ACADSB: variants seen among roughly 807,000 people sequenced by gnomAD.
ACADSB encodes the protein acyl-CoA dehydrogenase short/branched chain.
A neutral mutation model predicts 54.1 loss-of-function variants in ACADSB; 40 were observed. The ratio of observed to expected loss-of-function variants is 0.74; its 90% CI spans 0.57 to 0.96. ACADSB has a LOEUF of 0.96. ACADSB is among the 40% of genes least tolerant of loss of function. The pLI, the probability that ACADSB is intolerant of heterozygous loss-of-function variation, is 0.00. For missense variants in ACADSB, 530 were observed against 510.4 expected, an observed-to-expected ratio of 1.04 and a Z score of -0.37; for synonymous variants, 182 against 182.8, an observed-to-expected ratio of 1.00 and a Z score of 0.03.
Position 123,009,028 on chromosome 10 carries a change from G to A in ACADSB, c.-2G>A. Reference sequence around the variant, plus strand: ...CGCAGAGCGGAGAGGCCTGCGGCGAGGATGGAGGGCCTGGCAGTGCGGTTG... The same window carrying A: ...CGCAGAGCGGAGAGGCCTGCGGCGAAGATGGAGGGCCTGGCAGTGCGGTTG... On this transcript the variant is annotated 5_prime_UTR_variant, in exon 1 of 11. Transcript: ENST00000358776. 1 of 1,548,126 alleles carries A rather than the reference G, an allele frequency of 6.5e-7. No homozygotes were observed. The highest frequency in any genetic ancestry group is 8.7e-7 in the Non-Finnish European group (1 of 1,146,858).
At position 123,053,753 on chromosome 10, in the gene ACADSB, T is replaced by C. The variant is rs768025615; in HGVS notation, c.1287T>C (p.Asp429=). The C allele has an allele frequency of 1.1e-5, 18 of 1,613,852 alleles. No homozygotes were observed. The highest frequency in any genetic ancestry group is 1.3e-5 in the African/African-American group (1 of 75,052). Residue 429 remains aspartate, a synonymous_variant, in exon 11 of 11, where the codon GAT becomes GAC. Coordinates refer to ENST00000358776, the MANE Select transcript of ACADSB (RefSeq NM_001609.4). ...TGAACACCATTGCAAAGCATATCGA[T>C]GCAGAATACTGACGTCTATAGGAGT... The part of the protein sequence containing the change: ...IQLNTIAKHI[D]AEY
rs1387739992 is a variant in ACADSB at position 123,055,463 on chromosome 10, GAC to G, written c.*1702_*1703del. On this transcript the variant is annotated 3_prime_UTR_variant, in exon 11 of 11. Coordinates refer to ENST00000358776, the MANE Select transcript of ACADSB (RefSeq NM_001609.4). ...CCATTTAAGTTGAGATTTCAGTGGG[GAC>G]ACAGCCAAACCATATCATTCTACCC... is the stretch of plus-strand genomic sequence containing the variant. 1.3e-5 allele frequency: 2 copies of G among 152,336 alleles called. No homozygotes were observed. The highest frequency in any genetic ancestry group is 3.8e-4 in the East Asian group (2 of 5,200). 9.4% of individuals were successfully genotyped at this position (152,336 alleles called of 1,614,324 possible). A position where few individuals can be genotyped will look rare whatever the true frequency, so the allele number is the denominator to read the frequency against.
At chr10:123,051,737 C>T (rs757233945) in intron 9 of ACADSB, among the ~76,000 whole-genome samples, 16 of 152,328 alleles carry the variant, frequency 1.1e-4, no homozygotes, top group Non-Finnish European at 2.1e-4. Context: ...GCAGCTGTTT[C>T]GTAGCCTCAG....
At chr10:123,045,145 ATATATATATATATATATATATATATATTT>A (rs1308310862) in intron 7 of ACADSB, among the ~76,000 whole-genome samples, 10 of 11,536 alleles carry the variant, frequency 8.7e-4, no homozygotes, top group South Asian at 4.2e-3. Flanking sequence ...ATATATATAT[ATATATATATATATATATATATATATATTT>A]TTTTTTTTTT....
intron 9 of ACADSB, among the ~76,000 whole-genome samples, chr10:123,051,840 G>A (rs1850637439): frequency 6.6e-6 from 1 of 152,074 alleles, no homozygotes; most frequent in African/African-American, 2.4e-5. Context: ...CTGAATTCCA[G>A]ACTAACATGT....
At chr10:123,019,722 T>C (rs1850158229) in intron 1 of ACADSB, among the ~76,000 whole-genome samples, 1 of 152,250 alleles carries the variant, frequency 6.6e-6, no homozygotes, top group Non-Finnish European at 1.5e-5. Flanking sequence ...CAGTTTTACA[T>C]GTATATGTGT....
At position 123,052,960 on chromosome 10, in the gene ACADSB, C is replaced by A; in HGVS notation, c.1129-101C>A. On this transcript the variant is annotated intron_variant, in intron 9 of 10. Transcript: ENST00000358776. The surrounding 1 kb of genome is among the most constrained non-coding windows in gnomAD (Gnocchi z 4.2). ...GAAGATAACTTTAGTCCTTCCAGTG[C>A]CACTAACAGTAAATCCATGTTGCTG... The A allele has an allele frequency of 1.1e-6, 1 of 870,778 alleles. No individual in the cohort carries two copies. The highest frequency in any genetic ancestry group is 1.9e-6 in the Non-Finnish European group (1 of 515,700). The allele number at this position is 870,778 out of a possible 1,614,324, so 53.9% of individuals were successfully genotyped here.
chr10:123,019,244 C>T (rs1589732556), intron 1 of ACADSB, among the ~76,000 whole-genome samples: 1 of 152,136 alleles, frequency 6.6e-6, no homozygotes, highest in African/African-American at 2.4e-5. Context: ...CTGTGTAACA[C>T]TTTACCAACC....
At chr10:123,032,550 A>G (rs994435183) in intron 1 of ACADSB, among the ~76,000 whole-genome samples, 1 of 142,446 alleles carries the variant, frequency 7.0e-6, no homozygotes, top group Admixed American at 7.0e-5. Context: ...CTTGGCCCCC[A>G]TGCTTACTTC....
chr10:123,053,734 C>T lies in ACADSB; in HGVS notation c.1268C>T (p.Thr423Ile), dbSNP rs769448475. 1 of 1,613,982 alleles carries T rather than the reference C, an allele frequency of 6.2e-7. No individual in the cohort carries two copies. Among genetic ancestry groups the T allele is most frequent in the African/African-American group, 1.3e-5 (1 of 74,938 alleles). ...GGAGCTTCCAACATCCAGTTGAACA[C>T]CATTGCAAAGCATATCGATGCAGAA... is the stretch of plus-strand genomic sequence containing the variant. ...YEGASNIQLN[T>I]IAKHIDAEY The change falls in exon 11 of 11, where the codon ACC becomes ATC. Residue 423 changes from threonine to isoleucine, a missense_variant. Physicochemically the swap from Thr to Ile is moderately conservative, Grantham distance 89. Coordinates refer to ENST00000358776, the MANE Select transcript of ACADSB (RefSeq NM_001609.4).
Position 123,052,187 on chromosome 10 carries a change from C to T in ACADSB, c.1129-874C>T, listed in dbSNP as rs560785134. Among the ~76,000 whole-genome samples the T allele has an allele frequency of 2.9e-4, 44 of 152,280 alleles. No homozygotes were observed. Among genetic ancestry groups the T allele is most frequent in the African/African-American group, 9.9e-4 (41 of 41,560 alleles). The stretch of plus-strand genomic sequence containing the variant: ...CTGCTATAACAAATTACCAAAAAGT[C>T]GGGGACCTAAAACAACGCAGTTTCA... On this transcript the variant is annotated intron_variant, in intron 9 of 10. Coordinates refer to ENST00000358776, the MANE Select transcript of ACADSB (RefSeq NM_001609.4). The surrounding 1 kb of genome is among the most constrained non-coding windows in gnomAD (Gnocchi z 4.2).
At chr10:123,032,231 G>A (rs906748948) in intron 1 of ACADSB, among the ~76,000 whole-genome samples, 5 of 151,838 alleles carry the variant, frequency 3.3e-5, no homozygotes, top group Non-Finnish European at 7.4e-5. Flanking sequence ...CACCTGCCTC[G>A]GCCTCCCAAA....
At chr10:123,045,081 A>G (rs1193294132) in intron 7 of ACADSB, among the ~76,000 whole-genome samples, 1 of 140,800 alleles carries the variant, frequency 7.1e-6, no homozygotes, top group Non-Finnish European at 1.5e-5. Context: ...TTCCAGATTA[A>G]CAAAATGAAT....
intron 1 of ACADSB, among the ~76,000 whole-genome samples, chr10:123,032,631 C>T (rs1280229480): frequency 6.8e-6 from 1 of 146,456 alleles, no homozygotes; most frequent in East Asian, 2.0e-4. Flanking sequence ...CTCTTGTTGC[C>T]CAGGCTGGAG....
At chr10:123,024,009 G>A (rs904707770) in intron 1 of ACADSB, among the ~76,000 whole-genome samples, 3 of 152,192 alleles carry the variant, frequency 2.0e-5, no homozygotes, top group African/African-American at 7.2e-5. Context: ...CTGACCTTAG[G>A]TGGGCACCAA....
rs759224009 is a variant in ACADSB at position 123,045,131 on chromosome 10, G to GTATATA, written c.900+682_900+687dup. ...TACTTTAGTGTCAGTTTTGTAGAGT[G>GTATATA]TATATATATATATATATATATATAT... is the stretch of plus-strand genomic sequence containing the variant. On this transcript the variant is annotated intron_variant, in intron 7 of 10. Coordinates refer to ENST00000358776, the MANE Select transcript of ACADSB (RefSeq NM_001609.4). Among the ~76,000 whole-genome samples, 14 of 26,886 alleles carry GTATATA rather than the reference G, an allele frequency of 5.2e-4. 1 individual carries two copies. The East Asian group carries it at 5.7e-3, about 11-fold the overall frequency. The allele number at this position is 26,886 out of a possible 152,430, so 17.6% of individuals were successfully genotyped here.
Position 123,053,728 on chromosome 10 carries a change from T to C in ACADSB, c.1262T>C (p.Leu421Ser), listed in dbSNP as rs1589746925. 6.2e-7 allele frequency: 1 copy of C among 1,614,004 alleles called. No homozygotes were observed. Among genetic ancestry groups the C allele is most frequent in the Non-Finnish European group, 8.5e-7 (1 of 1,179,962 alleles). Reference sequence around the variant, plus strand: ...TATGAAGGAGCTTCCAACATCCAGTTGAACACCATTGCAAAGCATATCGAT... The same window carrying C: ...TATGAAGGAGCTTCCAACATCCAGTCGAACACCATTGCAAAGCATATCGAT... Reference protein sequence around the residue: ...TIYEGASNIQLNTIAKHIDAE... With the variant: ...TIYEGASNIQSNTIAKHIDAE... Residue 421 changes from leucine to serine, a missense_variant, in exon 11 of 11, where the codon TTG becomes TCG. Physicochemically the swap from Leu to Ser is moderately radical, Grantham distance 145. Coordinates refer to ENST00000358776, the MANE Select transcript of ACADSB (RefSeq NM_001609.4).
Position 123,057,443 on chromosome 10 carries a change from GCTTTT to G in ACADSB, c.*3682_*3686del. ...TTTTCCCTGTAGTTCTTCCTTTATAGCTTTTCTTCTGATAACCATGACTTCAGGAG... is the reference window on the plus strand; with the variant it reads ...TTTTCCCTGTAGTTCTTCCTTTATAGCTTCTGATAACCATGACTTCAGGAG... On this transcript the variant is annotated 3_prime_UTR_variant, in exon 11 of 11. Coordinates refer to ENST00000358776, the MANE Select transcript of ACADSB (RefSeq NM_001609.4). 1 of 152,068 alleles carries G rather than the reference GCTTTT, an allele frequency of 6.6e-6. No individual in the cohort carries two copies. The highest frequency in any genetic ancestry group is 1.5e-5 in the Non-Finnish European group (1 of 68,010). The allele number at this position is 152,068 out of a possible 1,614,324, so 9.4% of individuals were successfully genotyped here. A position where few individuals can be genotyped will look rare whatever the true frequency, so the allele number is the denominator to read the frequency against.
intron 7 of ACADSB, among the ~76,000 whole-genome samples, chr10:123,045,154 TA>T (rs1564752948): frequency 0.043 from 541 of 12,658 alleles, 8 homozygotes; most frequent in African/African-American, 0.068. Context: ...TATATATATA[TA>T]TATATATATA....
Sources: allele counts gnomAD v4.1 joint callset (sites outside exome capture counted in the v4.1 genomes callset), GRCh38; gene constraint gnomAD v4.1.1; non-coding constraint Gnocchi (gnomAD v3.1); transcripts MANE v1.5; gene names NCBI Gene and HGNC (gene_info 2026-07-23, HGNC 2026-07-21).